The following PPP4R1 variants were observed in gnomAD, a reference collection of about 807,000 sequenced individuals.
PPP4R1 encodes serine/threonine-protein phosphatase 4 regulatory subunit 1.
In PPP4R1, 42 loss-of-function variants were observed where a neutral mutation model predicts 111.2. That is an observed-to-expected ratio of 0.38 (90% CI 0.29 to 0.49). The LOEUF (loss-of-function observed/expected upper bound fraction) is 0.49. Among genes scored for constraint, PPP4R1 ranks in the 20% least tolerant of loss-of-function variants. The pLI, the probability that PPP4R1 is intolerant of heterozygous loss-of-function variation, is 0.97. For missense variants in PPP4R1, 1,012 were observed against 1,161.6 expected, an observed-to-expected ratio of 0.87 and a Z score of 1.87; for synonymous variants, 409 against 405.5, an observed-to-expected ratio of 1.01 and a Z score of -0.10.
intron 11 of PPP4R1, among the ~76,000 whole-genome samples, chr18:9,564,737 T>TGG (rs201070259): frequency 2.0e-3 from 138 of 68,016 alleles, no homozygotes; most frequent in African/African-American, 8.7e-3. Context: ...TGTGTGTGTG[T>TGG]GGGGGTATCA....
intron 15 of PPP4R1, among the ~76,000 whole-genome samples, chr18:9,556,522 T>C (rs1240009346): frequency 6.6e-6 from 1 of 152,062 alleles, no homozygotes; most frequent in African/African-American, 2.4e-5. Context: ...AGGACTACAA[T>C]TACTTCTATC....
chr18:9,588,941 G>A, intron 4 of PPP4R1, 88 bp from the exon 5 acceptor site: 9 of 1,472,644 alleles, frequency 6.1e-6, no homozygotes, highest in Non-Finnish European at 8.2e-6. Flanking sequence ...GGAAGGCTAT[G>A]GACTTTCATC....
chr18:9,572,572 C>T (rs530958194), intron 10 of PPP4R1, among the ~76,000 whole-genome samples: 2 of 152,130 alleles, frequency 1.3e-5, no homozygotes, highest in Non-Finnish European at 2.9e-5. Context: ...CAGGAAAAAG[C>T]ATCTGTGTGC....
At chr18:9,569,191 G>GA (rs1175501445) in intron 11 of PPP4R1, among the ~76,000 whole-genome samples, 2,187 of 53,240 alleles carry the variant, frequency 0.041, 69 homozygotes, top group African/African-American at 0.12. Context: ...CTCCGTCTCA[G>GA]AAAAAAAAAA....
chr18:9,559,724 T>C lies in PPP4R1; in HGVS notation c.1843-120A>G, dbSNP rs1293063508. ...GATTTTAACATAGCATCTCAAATAGTTGAGAAAAACCAATGTCAAATGTTC... is the reference window on the plus strand; with the variant it reads ...GATTTTAACATAGCATCTCAAATAGCTGAGAAAAACCAATGTCAAATGTTC... On this transcript the variant is annotated intron_variant, in intron 13 of 19. Coordinates refer to ENST00000400556, the MANE Select transcript of PPP4R1 (RefSeq NM_001042388.3). The C allele has an allele frequency of 2.1e-5, 15 of 728,636 alleles. No individual in the cohort carries two copies. In the Admixed American group the frequency reaches 4.8e-4, roughly 24 times the overall value. 45.1% of individuals were successfully genotyped at this position (728,636 alleles called of 1,614,324 possible). A position where few individuals can be genotyped will look rare whatever the true frequency, so the allele number is the denominator to read the frequency against.
At chr18:9,597,538 G>C (rs956889001) in intron 2 of PPP4R1, among the ~76,000 whole-genome samples, 3 of 152,222 alleles carry the variant, frequency 2.0e-5, no homozygotes, top group African/African-American at 7.2e-5. Context: ...AAACGATCAA[G>C]TGAACGAATC....
chr18:9,603,613 T>G (rs897509770), intron 2 of PPP4R1, among the ~76,000 whole-genome samples: 2 of 152,056 alleles, frequency 1.3e-5, no homozygotes, highest in African/African-American at 4.8e-5. Context: ...CCTCCCTAGT[T>G]GGGACTACAA....
intron 6 of PPP4R1, 160 bp downstream of exon 6, chr18:9,587,929 C>G (rs2067147398): frequency 4.8e-6 from 4 of 838,846 alleles, no homozygotes; most frequent in Non-Finnish European, 7.1e-6. Context: ...ATTGCCCAGG[C>G]TGGTCTCCAA....
chr18:9,587,568 A>G (rs1486947319), intron 6 of PPP4R1: 1 of 151,780 alleles, frequency 6.6e-6, no homozygotes, highest in Non-Finnish European at 1.5e-5. Context: ...ACACCTGGCT[A>G]ATTTTTTTTG....
chr18:9,595,476 C>G (rs576806040), intron 2 of PPP4R1, among the ~76,000 whole-genome samples: 8 of 152,224 alleles, frequency 5.3e-5, no homozygotes, highest in Non-Finnish European at 1.0e-4. Context: ...TGTGAATAGG[C>G]ACACAAAAAG....
chr18:9,610,712 G>GATC (rs2145364337), intron 2 of PPP4R1, among the ~76,000 whole-genome samples: 1 of 152,088 alleles, frequency 6.6e-6, no homozygotes, highest in South Asian at 2.1e-4. Context: ...GCCCACCTCG[G>GATC]CCTCCCAAAG....
At chr18:9,576,500 T>C (rs2066937766) in intron 10 of PPP4R1, among the ~76,000 whole-genome samples, 1 of 152,118 alleles carries the variant, frequency 6.6e-6, no homozygotes, top group African/African-American at 2.4e-5. Context: ...ATTTAAAACT[T>C]TGGTTTCCTT....
chr18:9,604,087 T>A (rs1259700190), intron 2 of PPP4R1, among the ~76,000 whole-genome samples: 1 of 152,248 alleles, frequency 6.6e-6, no homozygotes, highest in Non-Finnish European at 1.5e-5. Context: ...AAAACACTGA[T>A]ATTTATAATA....
At position 9,570,210 on chromosome 18, in the gene PPP4R1, A is replaced by C; in HGVS notation, c.1520T>G (p.Leu507Arg). ...PNITMATRKE[L>R]EEMIENLEPH... Reference sequence around the variant, plus strand: ...CTCTAGATTTTCTATCATTTCTTCCAGTTCCTTTCTGGTGGCCATGGTGAT... The same window carrying C: ...CTCTAGATTTTCTATCATTTCTTCCCGTTCCTTTCTGGTGGCCATGGTGAT... The change falls in exon 11 of 20, where the codon CTG becomes CGG. Residue 507 changes from leucine (L) to arginine (R), a missense_variant. By Grantham distance (102) the Leu-to-Arg change is moderately radical. This residue lies in a region of PPP4R1 where 707 missense variants were observed against 742.1 expected (regional missense o/e 0.95). Transcript: ENST00000400556. 6.4e-7 allele frequency: 1 copy of C among 1,559,856 alleles called. No homozygotes were observed. The highest frequency in any genetic ancestry group is 1.2e-5 in the South Asian group (1 of 82,958).
At chr18:9,572,708 C>A (rs1317346989) in intron 10 of PPP4R1, among the ~76,000 whole-genome samples, 1 of 152,182 alleles carries the variant, frequency 6.6e-6, no homozygotes, top group Non-Finnish European at 1.5e-5. Context: ...CATGAAATTA[C>A]GAAGTTCCCT....
At chr18:9,562,801 G>A in intron 12 of PPP4R1, 2 of 903,972 alleles carry the variant, frequency 2.2e-6, no homozygotes, top group Non-Finnish European at 1.3e-6. Context: ...TATAAACAAT[G>A]GCTAAGCAGC....
chr18:9,595,108 G>A lies in PPP4R1; in HGVS notation c.98C>T (p.Pro33Leu), dbSNP rs1292489879. The A allele has an allele frequency of 6.2e-7, 1 of 1,613,646 alleles. No individual in the cohort carries two copies. The highest frequency in any genetic ancestry group is 8.5e-7 in the Non-Finnish European group (1 of 1,179,820). Reference sequence around the variant, plus strand: ...TTGTGAGACAAAGTCCAGGGCTGAAGGTATAATAATCACATCAGACTCTGA... The same window carrying A: ...TTGTGAGACAAAGTCCAGGGCTGAAAGTATAATAATCACATCAGACTCTGA... Reference protein sequence around the residue: ...YSSESDVIIIPSALDFVSQDE... With the variant: ...YSSESDVIIILSALDFVSQDE... Residue 33 changes from proline to leucine, a missense_variant, in exon 3 of 20, where the codon CCT becomes CTT. Pro to Leu is a moderately conservative substitution (Grantham distance 98). Transcript: ENST00000400556.
intron 10 of PPP4R1, among the ~76,000 whole-genome samples, chr18:9,575,323 C>G (rs2066920070): frequency 1.3e-5 from 2 of 152,192 alleles, no homozygotes; most frequent in Non-Finnish European, 2.9e-5. Context: ...CTTAATACCA[C>G]AACAGTTTAA....
At chr18:9,550,212 AG>A in intron 17 of PPP4R1, 26 bp from the exon 18 acceptor site, 1 of 1,614,212 alleles carries the variant, frequency 6.2e-7, no homozygotes, top group Non-Finnish European at 8.5e-7. Context: ...TGGAGAAATG[AG>A]GAACAGCTTC....
Sources: gnomAD v4.1 joint callset for allele counts (sites outside exome capture counted in the v4.1 genomes callset) on GRCh38, gnomAD v4.1.1 for gene constraint, gnomAD v4.1.1 regional missense constraint, MANE v1.5 for transcripts, NCBI Gene and HGNC (gene_info 2026-07-23, HGNC 2026-07-21) for gene names.